The following CNST variants were observed in gnomAD, a reference collection of about 807,000 sequenced individuals.
CNST encodes consortin, connexin sorting protein.
Under a neutral mutation model 72.4 loss-of-function variants are expected in CNST, and 39 were observed. The observed-to-expected ratio is 0.54, with a 90% confidence interval of 0.42 to 0.70. The LOEUF is 0.70. CNST is among the 30% of genes least tolerant of loss of function. CNST has a pLI of 0.00. For missense variants in CNST, 871 were observed against 868.5 expected, an observed-to-expected ratio of 1.00 and a Z score of -0.04; for synonymous variants, 332 against 320.1, an observed-to-expected ratio of 1.04 and a Z score of -0.40.
chr1:246,640,819 A>T (rs1203254966), intron 6 of CNST, among the ~76,000 whole-genome samples: 3 of 152,184 alleles, frequency 2.0e-5, no homozygotes, highest in Non-Finnish European at 2.9e-5. Flanking sequence ...TATCATTTTT[A>T]AATTTTTTAA....
chr1:246,630,232 CTG>C (rs945308150), intron 3 of CNST, among the ~76,000 whole-genome samples: 12 of 152,292 alleles, frequency 7.9e-5, no homozygotes, highest in South Asian at 2.1e-4. Context: ...CTGGAGACGA[CTG>C]TTAAATATTA....
intron 6 of CNST, among the ~76,000 whole-genome samples, chr1:246,637,070 C>T (rs905619942): frequency 6.6e-6 from 1 of 152,172 alleles, no homozygotes; most frequent in African/African-American, 2.4e-5. Context: ...GTTTAGTCTT[C>T]CTCGTGTTTT....
intron 6 of CNST, among the ~76,000 whole-genome samples, chr1:246,639,301 G>A (rs1397091113): frequency 6.6e-6 from 1 of 152,174 alleles, no homozygotes; most frequent in African/African-American, 2.4e-5. Flanking sequence ...AGGGTTTAAA[G>A]GCTTATGGAG....
intron 1 of CNST, among the ~76,000 whole-genome samples, chr1:246,585,708 C>T (rs926280377): frequency 9.9e-6 from 1 of 100,848 alleles, no homozygotes; most frequent in Non-Finnish European, 2.1e-5. Context: ...CACACACACA[C>T]ACACTATATA....
chr1:246,607,704 G>C (rs1662978928), intron 2 of CNST: 1 of 152,130 alleles, frequency 6.6e-6, no homozygotes, highest in African/African-American at 2.4e-5. Context: ...CCCTCTTCCT[G>C]CTTCGGCTAC....
At position 246,665,765 on chromosome 1, in the gene CNST, G is replaced by T. The variant is rs763052618; in HGVS notation, c.2038G>T (p.Val680Phe). ...GTGCATAGCAACGGTTTTCCTCAGT[G>T]TTGGAGGAACTGCATTATACTGCAC... The part of the protein sequence containing the change: ...LLCIATVFLS[V>F]GGTALYCTFG... Residue 680 changes from valine to phenylalanine, a missense_variant, in exon 11 of 11, where the codon GTT (valine) becomes TTT (phenylalanine). Val to Phe is a conservative substitution (Grantham distance 50, BLOSUM62 -1). Transcript: ENST00000366513. The T allele has an allele frequency of 1.9e-6, 3 of 1,613,838 alleles. No individual in the cohort carries two copies.
chr1:246,655,714 G>A lies in CNST; in HGVS notation c.1837-4485G>A, dbSNP rs186557514. Reference sequence around the variant, plus strand: ...AGAAAATAAGATATTTTCACATTAAGGAACTGGCAAGAGGTTTGATACTGA... The same window carrying A: ...AGAAAATAAGATATTTTCACATTAAAGAACTGGCAAGAGGTTTGATACTGA... On this transcript the variant is annotated intron_variant, in intron 9 of 10. Coordinates refer to ENST00000366513, the MANE Select transcript of CNST (RefSeq NM_152609.3). 2.6e-5 allele frequency among the ~76,000 whole-genome samples: 4 copies of A among 152,280 alleles called. No individual in the cohort carries two copies. In the East Asian group the frequency reaches 7.7e-4, roughly 29 times the overall value.
chr1:246,627,844 T>C (rs918445268), intron 3 of CNST, among the ~76,000 whole-genome samples: 2 of 151,016 alleles, frequency 1.3e-5, no homozygotes, highest in African/African-American at 4.9e-5. Flanking sequence ...TAGGACTTGG[T>C]ATAGATTGTT....
At chr1:246,578,043 T>C (rs2103007961) in intron 1 of CNST, among the ~76,000 whole-genome samples, 1 of 152,182 alleles carries the variant, frequency 6.6e-6, no homozygotes. Context: ...ATCTGTTTCC[T>C]TGGGTAAAAG....
intron 3 of CNST, among the ~76,000 whole-genome samples, chr1:246,625,816 A>G (rs1664392455): frequency 6.6e-6 from 1 of 152,062 alleles, no homozygotes; most frequent in Non-Finnish European, 1.5e-5. Context: ...ACTGATTCTA[A>G]TCTGGTTTTT....
At chr1:246,653,085 C>T (rs1666579095) in intron 9 of CNST, among the ~76,000 whole-genome samples, 1 of 151,860 alleles carries the variant, frequency 6.6e-6, no homozygotes. Flanking sequence ...GCAACATTTA[C>T]TTAAATGTTT....
chr1:246,566,550 C>G lies in CNST; in HGVS notation c.-165C>G, dbSNP rs564030787. ...GCGAGAGGTGTCTCCTCCACCGGAG[C>G]CAGGGGAGACCCGAGCAAGCTCCGT... On this transcript the variant is annotated 5_prime_UTR_variant, in exon 1 of 11. Coordinates refer to ENST00000366513, the MANE Select transcript of CNST (RefSeq NM_152609.3). 1 of 415,264 alleles carries G rather than the reference C, an allele frequency of 2.4e-6. No homozygotes were observed. Among genetic ancestry groups the G allele is most frequent in the African/African-American group, 2.0e-5 (1 of 49,200 alleles). The allele number at this position is 415,264 out of a possible 1,614,324, so 25.7% of individuals were successfully genotyped here. A position where few individuals can be genotyped will look rare whatever the true frequency, so the allele number is the denominator to read the frequency against.
intron 1 of CNST, among the ~76,000 whole-genome samples, chr1:246,584,774 A>G (rs1342966299): frequency 1.3e-5 from 2 of 151,292 alleles, no homozygotes; most frequent in Admixed American, 6.6e-5. Context: ...ATGCTCCCCA[A>G]CTCCTTGCTC....
At chr1:246,653,665 CTAAT>C (rs1466074016) in intron 9 of CNST, among the ~76,000 whole-genome samples, 2 of 152,208 alleles carry the variant, frequency 1.3e-5, no homozygotes, top group Admixed American at 6.5e-5. Context: ...TCTACATTTT[CTAAT>C]TAATTAATGC....
intron 10 of CNST, among the ~76,000 whole-genome samples, chr1:246,662,399 A>T (rs1243030863): frequency 6.6e-6 from 1 of 151,860 alleles, no homozygotes; most frequent in African/African-American, 2.4e-5. Flanking sequence ...ATTTGATTTT[A>T]TTTTTTTTGA....
intron 1 of CNST, among the ~76,000 whole-genome samples, chr1:246,579,636 T>A (rs1486334201): frequency 6.6e-6 from 1 of 152,118 alleles, no homozygotes; most frequent in Non-Finnish European, 1.5e-5. Context: ...GCACCTGTAA[T>A]TCCAGCTACT....
intron 6 of CNST, among the ~76,000 whole-genome samples, chr1:246,635,793 G>A (rs1665182899): frequency 6.6e-6 from 1 of 152,208 alleles, no homozygotes; most frequent in Admixed American, 6.5e-5. Flanking sequence ...CCAGGTGGCA[G>A]GACCGTAATA....
chr1:246,664,449 A>C (rs527958927), intron 10 of CNST, among the ~76,000 whole-genome samples: 16 of 150,502 alleles, frequency 1.1e-4, no homozygotes, highest in African/African-American at 3.7e-4. Flanking sequence ...TTTTTTGAGA[A>C]GGAGTCTCGC....
intron 9 of CNST, among the ~76,000 whole-genome samples, chr1:246,652,789 G>T (rs903795181): frequency 2.6e-5 from 4 of 151,344 alleles, no homozygotes; most frequent in South Asian, 4.2e-4. Flanking sequence ...CGGATCACGA[G>T]GTCAGGAGAT....
Sources: allele counts gnomAD v4.1 joint callset (sites outside exome capture counted in the v4.1 genomes callset), GRCh38; gene constraint gnomAD v4.1.1; transcripts MANE v1.5; gene names NCBI Gene and HGNC (gene_info 2026-07-23, HGNC 2026-07-21).